The following OPCML variants were observed in gnomAD, a reference collection of about 807,000 sequenced individuals.
OPCML encodes the protein opioid-binding protein/cell adhesion molecule.
OPCML carries 13 observed loss-of-function variants against 37.8 expected under a neutral mutation model. The ratio of observed to expected loss-of-function variants is 0.34; its 90% CI spans 0.22 to 0.55. The LOEUF is 0.55. Ranked by LOEUF, OPCML falls within the 20% of genes least tolerant of loss-of-function variation. OPCML has a pLI of 0.91. For missense variants in OPCML, 341 were observed against 435.6 expected (o/e 0.78, Z 1.93); for synonymous variants, 176 against 168.8 (o/e 1.04, Z -0.33).
intron 1 of OPCML, among the ~76,000 whole-genome samples, chr11:133,470,600 T>G (rs1046873648): frequency 2.6e-5 from 4 of 152,242 alleles, no homozygotes; most frequent in Non-Finnish European, 5.9e-5. Context: ...GTAGGATTTC[T>G]GGAAACCCAG....
intron 1 of OPCML, among the ~76,000 whole-genome samples, chr11:133,340,608 CTGTGTGTGTGTG>C (rs5795838): frequency 2.7e-4 from 37 of 139,506 alleles, no homozygotes; most frequent in African/African-American, 6.4e-4. Flanking sequence ...AAGACTCTCT[CTGTGTGTGTGTG>C]TGTGTGTGTG....
intron 1 of OPCML, among the ~76,000 whole-genome samples, chr11:133,483,817 A>ATAGATAGATAGATAGT (rs1165985068): frequency 6.8e-6 from 1 of 147,956 alleles, no homozygotes; most frequent in Non-Finnish European, 1.5e-5. Context: ...AGATAGATAG[A>ATAGATAGATAGATAGT]TAGATAGATA....
At chr11:132,558,440 C>T (rs2096402969) in intron 3 of OPCML, among the ~76,000 whole-genome samples, 1 of 61,004 alleles carries the variant, frequency 1.6e-5, no homozygotes, top group Non-Finnish European at 3.1e-5. Flanking sequence ...CCCTCCTCCC[C>T]TCCTCTTCCC....
chr11:132,447,494 G>A (rs1210366794), intron 4 of OPCML, among the ~76,000 whole-genome samples: 3 of 148,636 alleles, frequency 2.0e-5, no homozygotes. Flanking sequence ...TTTTTTAGTA[G>A]AGACAGGGTT....
intron 1 of OPCML, among the ~76,000 whole-genome samples, chr11:133,221,703 G>T (rs1258349039): frequency 6.6e-6 from 1 of 152,180 alleles, no homozygotes; most frequent in Non-Finnish European, 1.5e-5. Context: ...AGGGAATTAT[G>T]CTGAGCGAGT....
intron 2 of OPCML, among the ~76,000 whole-genome samples, chr11:132,759,088 G>A (rs964589320): frequency 5.9e-5 from 9 of 152,228 alleles, no homozygotes; most frequent in African/African-American, 1.9e-4. Flanking sequence ...TTCTGTTTAT[G>A]TGATGGGTTA....
chr11:132,541,178 C>A (rs1356641370), intron 3 of OPCML, among the ~76,000 whole-genome samples: 1 of 152,214 alleles, frequency 6.6e-6, no homozygotes, highest in Non-Finnish European at 1.5e-5. Flanking sequence ...CTCTGTCAAT[C>A]CAAGTCTCTC....
chr11:132,462,978 A>C (rs2096107888), intron 4 of OPCML, among the ~76,000 whole-genome samples: 1 of 152,198 alleles, frequency 6.6e-6, no homozygotes, highest in African/African-American at 2.4e-5. Flanking sequence ...CTGCTGCTGC[A>C]ATCTCTGTCC....
intron 2 of OPCML, among the ~76,000 whole-genome samples, chr11:132,933,341 C>T (rs1945270936): frequency 6.6e-6 from 1 of 152,172 alleles, no homozygotes; most frequent in Non-Finnish European, 1.5e-5. Context: ...GCAGACATTC[C>T]TCCCTTGCAA....
intron 2 of OPCML, among the ~76,000 whole-genome samples, chr11:132,767,047 C>T (rs1946468227): frequency 6.6e-6 from 1 of 152,100 alleles, no homozygotes; most frequent in Admixed American, 6.5e-5. Flanking sequence ...ATCTATCTAC[C>T]CATCTCTCCA....
At chr11:133,460,503 C>T (rs182940863) in intron 1 of OPCML, among the ~76,000 whole-genome samples, 56 of 151,778 alleles carry the variant, frequency 3.7e-4, no homozygotes, top group Admixed American at 2.8e-3. Context: ...AAAAAATCAG[C>T]ATGGAATATT....
intron 3 of OPCML, among the ~76,000 whole-genome samples, chr11:132,589,523 G>A (rs2137693989): frequency 6.6e-6 from 1 of 152,288 alleles, no homozygotes; most frequent in South Asian, 2.1e-4. Flanking sequence ...TTGCTACAAT[G>A]GAAAGTAACA....
intron 1 of OPCML, among the ~76,000 whole-genome samples, chr11:133,501,982 G>C (rs1947925726): frequency 6.6e-6 from 1 of 151,818 alleles, no homozygotes; most frequent in Non-Finnish European, 1.5e-5. Flanking sequence ...CACGACCGCT[G>C]CTGCCTCCTA....
At chr11:133,091,333 C>T (rs141721324) in intron 1 of OPCML, among the ~76,000 whole-genome samples, 25 of 152,348 alleles carry the variant, frequency 1.6e-4, no homozygotes, top group Admixed American at 1.0e-3. Context: ...CACAGAGCAT[C>T]CTCACTAGAG....
chr11:132,791,383 G>A (rs1202499108), intron 2 of OPCML, among the ~76,000 whole-genome samples: 6 of 152,114 alleles, frequency 3.9e-5, no homozygotes, highest in Non-Finnish European at 7.4e-5. Flanking sequence ...GTCAGGGTCC[G>A]ACTGGCATGG....
intron 1 of OPCML, chr11:133,422,377 T>TTTTTTATATA (rs1555156350): frequency 1.6e-6 from 1 of 636,472 alleles, no homozygotes; most frequent in African/African-American, 3.3e-5. Context: ...ACCAAAGACA[T>TTTTTTATATA]TATATATATA....
chr11:132,535,763 G>A (rs2096338996), intron 3 of OPCML, among the ~76,000 whole-genome samples: 1 of 152,144 alleles, frequency 6.6e-6, no homozygotes, highest in Non-Finnish European at 1.5e-5. Flanking sequence ...CTGGATGCCT[G>A]TGTGCAGGTG....
chr11:133,183,743 A>C (rs1017894865), intron 1 of OPCML, among the ~76,000 whole-genome samples: 4 of 152,230 alleles, frequency 2.6e-5, no homozygotes, highest in African/African-American at 9.6e-5. Context: ...CAAACATTCA[A>C]AATACATGAA....
At chr11:133,047,669 TC>T (rs1279229892) in intron 1 of OPCML, among the ~76,000 whole-genome samples, 1 of 151,958 alleles carries the variant, frequency 6.6e-6, no homozygotes, top group African/African-American at 2.4e-5. Context: ...TCTCCACCCC[TC>T]CTCCGTCTCT....
Sources: gnomAD v4.1 joint callset for allele counts (sites outside exome capture counted in the v4.1 genomes callset) on GRCh38, gnomAD v4.1.1 for gene constraint, MANE v1.5 for transcripts, NCBI Gene and HGNC (gene_info 2026-07-23, HGNC 2026-07-21) for gene names.